The following IMPG2 variants were observed in gnomAD, a reference collection of about 807,000 sequenced individuals.
IMPG2 encodes the protein interphotoreceptor matrix proteoglycan 2.
A neutral mutation model predicts 129.2 loss-of-function variants in IMPG2; 91 were observed. That is an observed-to-expected ratio of 0.70 (90% CI 0.59 to 0.84). The LOEUF (loss-of-function observed/expected upper bound fraction) is 0.84. IMPG2 is among the 40% of genes least tolerant of loss of function. The pLI is 0.00. For synonymous variants in IMPG2, 510 were observed against 517.7 expected, an observed-to-expected ratio of 0.99 and a Z score of 0.20; for missense variants, 1,430 against 1,461.7, an observed-to-expected ratio of 0.98 and a Z score of 0.35.
rs763799010 is a variant in IMPG2 at position 101,319,587 on chromosome 3, G to A, written c.331C>T (p.Arg111Ter). 3.7e-6 allele frequency: 6 copies of A among 1,613,266 alleles called. No homozygotes were observed. In the East Asian group the frequency reaches 6.7e-5, roughly 18 times the overall value. Reference sequence around the variant, plus strand: ...AAGGATTTGGATGTTCGCTTACCTCGGACTTTAAAATACTTCACATGATTT... The same window carrying A: ...AAGGATTTGGATGTTCGCTTACCTCAGACTTTAAAATACTTCACATGATTT... ...VANHVKYFKV[R>*]VCQEAVWEAF... The change falls in exon 2 of 19, where the codon CGA (arginine) becomes TGA (stop). Residue 111 changes from arginine to a stop codon, truncating the protein, a stop_gained. Coordinates refer to ENST00000193391, the MANE Select transcript of IMPG2 (RefSeq NM_016247.4). LOFTEE classifies it high-confidence loss of function.
intron 2 of IMPG2, among the ~76,000 whole-genome samples, chr3:101,305,188 A>G (rs1010280124): frequency 6.6e-6 from 1 of 152,200 alleles, no homozygotes; most frequent in Non-Finnish European, 1.5e-5. Context: ...AAGCCATAAA[A>G]GACATGGAGA....
intron 10 of IMPG2, among the ~76,000 whole-genome samples, chr3:101,254,289 T>C (rs990121736): frequency 2.6e-5 from 4 of 152,142 alleles, no homozygotes; most frequent in African/African-American, 9.7e-5. Flanking sequence ...GATTATATCA[T>C]TTATTTCAAC....
intron 14 of IMPG2, among the ~76,000 whole-genome samples, chr3:101,241,526 A>G (rs1320896704): frequency 6.6e-6 from 1 of 152,178 alleles, no homozygotes; most frequent in African/African-American, 2.4e-5. Context: ...CAAGAGTACC[A>G]TGGGGGCTAT....
intron 8 of IMPG2, among the ~76,000 whole-genome samples, chr3:101,268,783 T>C (rs1706747949): frequency 6.6e-6 from 1 of 152,172 alleles, no homozygotes; most frequent in Non-Finnish European, 1.5e-5. Context: ...GAGTCTAGCA[T>C]GAAGGTTCAG....
intron 3 of IMPG2, among the ~76,000 whole-genome samples, chr3:101,296,741 CA>C (rs1707083501): frequency 6.6e-6 from 1 of 151,792 alleles, no homozygotes; most frequent in Non-Finnish European, 1.5e-5. Context: ...GCCTCAATTT[CA>C]GAACCTGTTA....
At position 101,229,573 on chromosome 3, in the gene IMPG2, G is replaced by C. The variant is rs766770392; in HGVS notation, c.3440C>G (p.Pro1147Arg). Residue 1147 changes from proline to arginine, a missense_variant, in exon 17 of 19, where the codon CCT (proline) becomes CGT (arginine). Pro to Arg is a moderately radical substitution (Grantham distance 103). Coordinates refer to ENST00000193391, the MANE Select transcript of IMPG2 (RefSeq NM_016247.4). ...ATTCTCAATAGATGAGAGGCTGTCA[G>C]GCTGCCTGCTGGAGCCACTAAAAGA... ...ESPFSGSSRQ[P>R]DSLSSIENAV... 41 of 1,613,832 alleles carry C rather than the reference G, an allele frequency of 2.5e-5. No homozygotes were observed. The highest frequency in any genetic ancestry group is 3.3e-5 in the Non-Finnish European group (39 of 1,179,956).
Position 101,243,744 on chromosome 3 carries a change from C to G in IMPG2, c.2587G>C (p.Gly863Arg). 1 of 1,613,754 alleles carries G rather than the reference C, an allele frequency of 6.2e-7. No homozygotes were observed. The highest frequency in any genetic ancestry group is 1.3e-5 in the African/African-American group (1 of 75,034). ...CTTGTTGACATTTCCACATAACTAC[C>G]AACCTTGCCATTTTGCTCTTGGACT... ...EQVQEQNGKV[G>R]SYVEMSTSVH... The change falls in exon 13 of 19, where the codon GGT becomes CGT. Residue 863 changes from glycine to arginine, a missense_variant. By Grantham distance (125) the Gly-to-Arg change is moderately radical. Coordinates refer to ENST00000193391, the MANE Select transcript of IMPG2 (RefSeq NM_016247.4).
intron 15 of IMPG2, among the ~76,000 whole-genome samples, chr3:101,231,597 C>G (rs937446363): frequency 9.9e-5 from 15 of 152,208 alleles, no homozygotes; most frequent in African/African-American, 2.9e-4. Flanking sequence ...CACTGCTTTT[C>G]TAGGTAATAT....
Position 101,226,704 on chromosome 3 carries a change from T to TC in IMPG2, c.*264dup, listed in dbSNP as rs1706228584. ...GCCCTAAATCCTAGGTCCAGCTTTT[T>TC]CTTATAGAATACTTTCCAGAGTTTA... On this transcript the variant is annotated 3_prime_UTR_variant, in exon 19 of 19. Transcript: ENST00000193391. 2.3e-6 allele frequency: 1 copy of TC among 430,868 alleles called. No homozygotes were observed. The allele number at this position is 430,868 out of a possible 1,614,324, so 26.7% of individuals were successfully genotyped here.
chr3:101,293,934 G>A (rs1364206951), intron 3 of IMPG2, among the ~76,000 whole-genome samples: 2 of 152,140 alleles, frequency 1.3e-5, no homozygotes, highest in African/African-American at 4.8e-5. Context: ...CTCTGGATCT[G>A]GCTTTGGTTA....
intron 9 of IMPG2, among the ~76,000 whole-genome samples, chr3:101,262,476 G>A (rs1040573219): frequency 6.6e-6 from 1 of 151,906 alleles, no homozygotes; most frequent in South Asian, 2.1e-4. Flanking sequence ...TTTATCAGCT[G>A]GTTAATTCCT....
rs776625616 is a variant in IMPG2 at position 101,246,098 on chromosome 3, G to T, written c.1247C>A (p.Thr416Asn). The T allele has an allele frequency of 6.2e-7, 1 of 1,613,882 alleles. No homozygotes were observed. Among genetic ancestry groups the T allele is most frequent in the Admixed American group, 1.7e-5 (1 of 59,990 alleles). The change falls in exon 12 of 19, where the codon ACC becomes AAC. Residue 416 changes from threonine to asparagine, a missense_variant. By Grantham distance (65) the Thr-to-Asn change is moderately conservative. Coordinates refer to ENST00000193391, the MANE Select transcript of IMPG2 (RefSeq NM_016247.4). Reference protein sequence around the residue: ...QATPSSILDNTFQAAWPSADE... With the variant: ...QATPSSILDNNFQAAWPSADE... ...TGCTGAGGGCCATGCAGCTTGAAAG[G>T]TATTATCCTGGGGGGAAAAAAAGGC...
chr3:101,289,830 T>C (rs1383426177), intron 4 of IMPG2, among the ~76,000 whole-genome samples: 2 of 151,556 alleles, frequency 1.3e-5, no homozygotes, highest in African/African-American at 4.9e-5. Context: ...GTGTTGATTA[T>C]ATGAATTAGT....
At chr3:101,315,648 ACAACAC>A in intron 2 of IMPG2, among the ~76,000 whole-genome samples, 1 of 152,124 alleles carries the variant, frequency 6.6e-6, no homozygotes, top group African/African-American at 2.4e-5. Context: ...TCTGAAACCC[ACAACAC>A]TTCTGGTCCC....
At position 101,260,704 on chromosome 3, in the gene IMPG2, C is replaced by T. The variant is rs559359975; in HGVS notation, c.909-2931G>A. 5.3e-5 allele frequency among the ~76,000 whole-genome samples: 8 copies of T among 152,230 alleles called. No homozygotes were observed. In the East Asian group the frequency reaches 1.5e-3, roughly 29 times the overall value. On this transcript the variant is annotated intron_variant, in intron 9 of 18. Coordinates refer to ENST00000193391, the MANE Select transcript of IMPG2 (RefSeq NM_016247.4). ...TACACACACATACAGATACCTTCTT[C>T]ACCTGGCTATTTCTATTTTACTTCA...
chr3:101,275,696 G>A lies in IMPG2; in HGVS notation c.633C>T (p.Ala211=), dbSNP rs1316182803. The part of the protein sequence containing the change: ...PHPEVDAYEG[A]SESSLERPEE... ...CTGGCCTTTCCAAGCTGCTCTCTGAGGCACCTTCATAGGCGTCCACCTCTG... is the reference window on the plus strand; with the variant it reads ...CTGGCCTTTCCAAGCTGCTCTCTGAAGCACCTTCATAGGCGTCCACCTCTG... The change falls in exon 6 of 19, where the codon GCC becomes GCT. Residue 211 remains alanine (A), a synonymous_variant. Transcript: ENST00000193391. 2.5e-6 allele frequency: 4 copies of A among 1,613,790 alleles called. No individual in the cohort carries two copies. The highest frequency in any genetic ancestry group is 3.4e-6 in the Non-Finnish European group (4 of 1,179,842).
intron 17 of IMPG2, among the ~76,000 whole-genome samples, chr3:101,229,077 T>G (rs1706253478): frequency 6.7e-6 from 1 of 150,158 alleles, no homozygotes; most frequent in South Asian, 2.1e-4. Flanking sequence ...CATGTCCTGC[T>G]CTAAATCAGA....
intron 5 of IMPG2, 38 bp from the exon 6 acceptor site, chr3:101,275,783 C>T: frequency 7.0e-7 from 1 of 1,422,658 alleles, no homozygotes; most frequent in Non-Finnish European, 9.9e-7. Context: ...TGAATTCAGT[C>T]CTCGATTAAG....
chr3:101,310,352 A>T (rs562995030), intron 2 of IMPG2, among the ~76,000 whole-genome samples: 2 of 152,294 alleles, frequency 1.3e-5, no homozygotes, highest in Admixed American at 6.5e-5. Flanking sequence ...ACTCGAGCCC[A>T]GGAGTTCAAG....
Sources: allele counts gnomAD v4.1 joint callset (sites outside exome capture counted in the v4.1 genomes callset), GRCh38; gene constraint gnomAD v4.1.1; transcripts MANE v1.5; gene names NCBI Gene and HGNC (gene_info 2026-07-23, HGNC 2026-07-21).